The following CNTNAP2 variants were observed in gnomAD, a reference collection of about 807,000 sequenced individuals.
CNTNAP2 encodes contactin associated protein 2.
CNTNAP2 carries 98 observed loss-of-function variants against 155.2 expected under a neutral mutation model. The observed-to-expected ratio is 0.63, with a 90% CI of 0.54 to 0.75. The LOEUF (loss-of-function observed/expected upper bound fraction) is 0.75. Ranked by LOEUF, CNTNAP2 falls within the 30% of genes least tolerant of loss-of-function variation. The pLI is 0.00. For synonymous variants in CNTNAP2, 651 were observed against 631.2 expected (o/e 1.03, Z -0.47); for missense variants, 1,727 against 1,688.1 (o/e 1.02, Z -0.40).
chr7:146,706,256 G>T (rs1350072532), intron 1 of CNTNAP2, among the ~76,000 whole-genome samples: 4 of 152,038 alleles, frequency 2.6e-5, no homozygotes, highest in South Asian at 4.1e-4. Context: ...GATTCTCATT[G>T]GTTCTAGCGA....
intron 13 of CNTNAP2, among the ~76,000 whole-genome samples, chr7:147,675,307 C>T (rs886305334): frequency 6.6e-6 from 1 of 152,044 alleles, no homozygotes; most frequent in Non-Finnish European, 1.5e-5. Context: ...ATTTTGAGAT[C>T]CTTAACTTAA....
chr7:147,604,639 A>T (rs1004231333), intron 12 of CNTNAP2, among the ~76,000 whole-genome samples: 1 of 152,152 alleles, frequency 6.6e-6, no homozygotes, highest in South Asian at 2.1e-4. Flanking sequence ...CCTCTGTGGA[A>T]ACTCTGTTGT....
At chr7:146,917,000 G>C (rs1464112685) in intron 3 of CNTNAP2, among the ~76,000 whole-genome samples, 1 of 152,050 alleles carries the variant, frequency 6.6e-6, no homozygotes, top group Non-Finnish European at 1.5e-5. Context: ...GTATCTCAGA[G>C]GTTTTGATAC....
At chr7:148,325,527 A>G (rs760636411) in intron 21 of CNTNAP2, among the ~76,000 whole-genome samples, 2 of 152,248 alleles carry the variant, frequency 1.3e-5, no homozygotes, top group Non-Finnish European at 2.9e-5. Flanking sequence ...TCTCAGTTCC[A>G]ATAGAAAACC....
chr7:147,752,126 C>G (rs1220036679), intron 13 of CNTNAP2, among the ~76,000 whole-genome samples: 1 of 152,160 alleles, frequency 6.6e-6, no homozygotes, highest in Non-Finnish European at 1.5e-5. Context: ...CTAATGAACA[C>G]CAGACGATGT....
At chr7:147,032,570 G>T (rs1799056372) in intron 3 of CNTNAP2, among the ~76,000 whole-genome samples, 1 of 152,084 alleles carries the variant, frequency 6.6e-6, no homozygotes, top group Non-Finnish European at 1.5e-5. Context: ...GTGCTCCTCT[G>T]TCCTTTTCTT....
At position 146,250,148 on chromosome 7, in the gene CNTNAP2, T is replaced by C. The variant is rs148423726; in HGVS notation, c.97+133175T>C. 7.5e-3 allele frequency among the ~76,000 whole-genome samples: 1,143 copies of C among 152,288 alleles called. 16 individuals are homozygous for C. Among genetic ancestry groups the C allele is most frequent in the African/African-American group, 0.025 (1,045 of 41,550 alleles). ...GGGTAACACCTTCAGTTACAAATTA[T>C]AGTAACATCTTAGATAATAAATTTC... On this transcript the variant is annotated intron_variant, in intron 1 of 23. Transcript: ENST00000361727.
At chr7:147,771,751 CT>C (rs967033857) in intron 13 of CNTNAP2, among the ~76,000 whole-genome samples, 8 of 150,852 alleles carry the variant, frequency 5.3e-5, no homozygotes, top group Middle Eastern at 3.4e-3. Context: ...GGTCTTAACC[CT>C]TTTTTTTTCT....
intron 1 of CNTNAP2, among the ~76,000 whole-genome samples, chr7:146,231,557 G>A (rs575141905): frequency 3.3e-5 from 5 of 152,280 alleles, no homozygotes; most frequent in African/African-American, 9.6e-5. Flanking sequence ...AAATTAAAGC[G>A]TAATCAGCAG....
chr7:146,189,246 C>T (rs538740565), intron 1 of CNTNAP2, among the ~76,000 whole-genome samples: 27 of 152,202 alleles, frequency 1.8e-4, no homozygotes, highest in Non-Finnish European at 2.9e-4. Flanking sequence ...AAAACAATTA[C>T]GAAAATTATG....
chr7:146,376,457 TA>T (rs923715406), intron 1 of CNTNAP2, among the ~76,000 whole-genome samples: 3 of 152,124 alleles, frequency 2.0e-5, no homozygotes, highest in Non-Finnish European at 2.9e-5. Context: ...AAAGAAATGT[TA>T]AAAAAAACTT....
intron 1 of CNTNAP2, among the ~76,000 whole-genome samples, chr7:146,297,431 G>T (rs1338534448): frequency 6.6e-6 from 1 of 151,900 alleles, no homozygotes; most frequent in East Asian, 1.9e-4. Flanking sequence ...AAATATAGAT[G>T]GGTGATCAAA....
intron 11 of CNTNAP2, among the ~76,000 whole-genome samples, chr7:147,516,941 G>A (rs768573187): frequency 9.5e-5 from 14 of 147,446 alleles, no homozygotes; most frequent in Admixed American, 8.2e-4. Flanking sequence ...GGCTCACTGC[G>A]ACCACTGCCT....
intron 15 of CNTNAP2, among the ~76,000 whole-genome samples, chr7:148,107,550 A>T (rs1435636093): frequency 6.6e-6 from 1 of 152,228 alleles, no homozygotes; most frequent in Non-Finnish European, 1.5e-5. Context: ...CTTGCCCAAT[A>T]AAATGAGGCC....
At chr7:147,633,428 C>T (rs1024672736) in intron 12 of CNTNAP2, among the ~76,000 whole-genome samples, 1 of 152,190 alleles carries the variant, frequency 6.6e-6, no homozygotes, top group Non-Finnish European at 1.5e-5. Flanking sequence ...GGAGCCCCCA[C>T]ACAAGACTTT....
chr7:146,913,764 T>C lies in CNTNAP2; in HGVS notation c.402+73860T>C, dbSNP rs537509441. Among the ~76,000 whole-genome samples, 4 of 152,172 alleles carry C rather than the reference T, an allele frequency of 2.6e-5. No homozygotes were observed. In the South Asian group the frequency reaches 8.3e-4, roughly 32 times the overall value. ...GGGTATCAACATATGGATTCTTTTT[T>C]TTTTCAATAGGTTTTTGGGGAACAG... is the stretch of plus-strand genomic sequence containing the variant. On this transcript the variant is annotated intron_variant, in intron 3 of 23. Transcript: ENST00000361727.
chr7:147,370,633 C>T (rs1796325481), intron 9 of CNTNAP2, among the ~76,000 whole-genome samples: 1 of 152,224 alleles, frequency 6.6e-6, no homozygotes, highest in Non-Finnish European at 1.5e-5. Context: ...TGATCGACAA[C>T]TATGTAAGAC....
intron 1 of CNTNAP2, among the ~76,000 whole-genome samples, chr7:146,351,347 AT>A (rs1794912361): frequency 6.6e-6 from 1 of 152,176 alleles, no homozygotes; most frequent in African/African-American, 2.4e-5. Context: ...ACAATGCAAA[AT>A]TATCAAGGTT....
At chr7:146,502,154 G>GT (rs1797309695) in intron 1 of CNTNAP2, among the ~76,000 whole-genome samples, 1 of 146,972 alleles carries the variant, frequency 6.8e-6, no homozygotes, top group African/African-American at 2.6e-5. Flanking sequence ...TTCCATCCAA[G>GT]TGGCTGCAAA....
Sources: gnomAD v4.1 joint callset for allele counts (sites outside exome capture counted in the v4.1 genomes callset) on GRCh38, gnomAD v4.1.1 for gene constraint, MANE v1.5 for transcripts, NCBI Gene and HGNC (gene_info 2026-07-23, HGNC 2026-07-21) for gene names.